ASIC2: variants seen among roughly 807,000 people sequenced by gnomAD.
ASIC2 encodes the protein acid sensing ion channel subunit 2.
In ASIC2, 25 loss-of-function variants were observed where a neutral mutation model predicts 57.3. The observed-to-expected ratio is 0.44, with a 90% confidence interval of 0.32 to 0.61. The LOEUF (loss-of-function observed/expected upper bound fraction) is 0.61. ASIC2 is among the 20% of genes least tolerant of loss of function. The pLI is 0.06. For synonymous variants in ASIC2, 319 were observed against 307.5 expected (o/e 1.04, Z -0.39); for missense variants, 641 against 738.1 (o/e 0.87, Z 1.52).
At chr17:34,144,726 AC>A (rs1321177739) in intron 1 of ASIC2, among the ~76,000 whole-genome samples, 2 of 152,218 alleles carry the variant, frequency 1.3e-5, no homozygotes, top group Non-Finnish European at 2.9e-5. Context: ...CCTGTCTGGC[AC>A]TAAATTCCAT....
chr17:33,611,546 T>C (rs530150433), intron 1 of ASIC2, among the ~76,000 whole-genome samples: 1 of 152,340 alleles, frequency 6.6e-6, no homozygotes, highest in African/African-American at 2.4e-5. Flanking sequence ...GTTTGGCTGA[T>C]CTGGGCTAGG....
At chr17:33,854,621 G>T (rs1237998803) in intron 1 of ASIC2, among the ~76,000 whole-genome samples, 8 of 152,146 alleles carry the variant, frequency 5.3e-5, no homozygotes, top group Non-Finnish European at 8.8e-5. Flanking sequence ...TTCTTTACAG[G>T]AGCAAGATCT....
At chr17:34,121,699 T>C (rs891438794) in intron 1 of ASIC2, among the ~76,000 whole-genome samples, 8 of 152,202 alleles carry the variant, frequency 5.3e-5, no homozygotes, top group Non-Finnish European at 1.0e-4. Context: ...AGATACTTCA[T>C]GATGAAGGCT....
chr17:33,680,490 C>T (rs2142057161), intron 1 of ASIC2: 1 of 152,370 alleles, frequency 6.6e-6, no homozygotes, highest in South Asian at 2.1e-4. Flanking sequence ...CAAGCTACAG[C>T]TACAAAAGAC....
intron 1 of ASIC2, among the ~76,000 whole-genome samples, chr17:33,986,918 G>A (rs116396815): frequency 2.4e-3 from 368 of 152,308 alleles, no homozygotes; most frequent in African/African-American, 8.4e-3. Context: ...GCCAAGGTAC[G>A]GAATCAGAGA....
At chr17:33,974,605 T>TACCCATCC (rs1555576616) in intron 1 of ASIC2, among the ~76,000 whole-genome samples, 1 of 145,330 alleles carries the variant, frequency 6.9e-6, no homozygotes, top group African/African-American at 2.6e-5. Flanking sequence ...GGAACCTATC[T>TACCCATCC]ATCCATCCAT....
At chr17:33,787,666 G>A (rs1422746263) in intron 1 of ASIC2, among the ~76,000 whole-genome samples, 3 of 152,212 alleles carry the variant, frequency 2.0e-5, no homozygotes, top group African/African-American at 4.8e-5. Flanking sequence ...ACAGTGGCAA[G>A]GTTCACTGTT....
intron 1 of ASIC2, among the ~76,000 whole-genome samples, chr17:33,376,554 A>G (rs1268421167): frequency 1.3e-5 from 2 of 152,194 alleles, no homozygotes; most frequent in African/African-American, 4.8e-5. Context: ...TATGCATATC[A>G]ACACATTCAA....
chr17:33,703,222 T>C (rs1460479033), intron 1 of ASIC2, among the ~76,000 whole-genome samples: 2 of 152,072 alleles, frequency 1.3e-5, no homozygotes, highest in Non-Finnish European at 2.9e-5. Flanking sequence ...AAATGCTGAG[T>C]TGAGGCTGGA....
intron 1 of ASIC2, among the ~76,000 whole-genome samples, chr17:33,464,577 CTCTT>C (rs1912790981): frequency 8.9e-6 from 1 of 112,664 alleles, no homozygotes; most frequent in African/African-American, 3.4e-5. Context: ...CTCTCTTTCT[CTCTT>C]TATCTCTTTC....
intron 1 of ASIC2, among the ~76,000 whole-genome samples, chr17:33,216,229 G>T (rs396316): frequency 0.7 from 106,738 of 152,140 alleles, 37,698 homozygotes; most frequent in Non-Finnish European, 0.75. Flanking sequence ...TGATTATTAG[G>T]TCGGCGCATC....
chr17:33,721,452 C>T (rs1319559372), intron 1 of ASIC2, among the ~76,000 whole-genome samples: 4 of 152,204 alleles, frequency 2.6e-5, no homozygotes, highest in African/African-American at 9.6e-5. Context: ...TCCATGTTCT[C>T]TTCCCCTGCC....
intron 1 of ASIC2, among the ~76,000 whole-genome samples, chr17:33,826,809 A>G (rs1406957094): frequency 2.6e-5 from 4 of 152,214 alleles, no homozygotes; most frequent in African/African-American, 4.8e-5. Context: ...AGAGTCAGAC[A>G]TAGTGTCTGT....
chr17:33,921,330 T>A (rs748405545), intron 1 of ASIC2, among the ~76,000 whole-genome samples: 1 of 152,146 alleles, frequency 6.6e-6, no homozygotes, highest in African/African-American at 2.4e-5. Flanking sequence ...CAAGCAGAGG[T>A]CCTACCATGA....
At chr17:33,025,795 A>G (rs2091856618) in intron 5 of ASIC2, 131 bp downstream of exon 5, 1 of 871,284 alleles carries the variant, frequency 1.1e-6, no homozygotes, top group Admixed American at 3.3e-5. Flanking sequence ...ACTCCACCCG[A>G]CCAGCCCCTT....
At chr17:33,106,786 G>A (rs2092236530) in intron 2 of ASIC2, among the ~76,000 whole-genome samples, 1 of 152,242 alleles carries the variant, frequency 6.6e-6, no homozygotes, top group Admixed American at 6.5e-5. Context: ...GTCTGTGAGA[G>A]TCAAAACAGT....
At chr17:33,174,028 C>A (rs1386376460) in intron 1 of ASIC2, among the ~76,000 whole-genome samples, 1 of 152,182 alleles carries the variant, frequency 6.6e-6, no homozygotes, top group Non-Finnish European at 1.5e-5. Flanking sequence ...AGTACATTTG[C>A]TTCTGGTAGT....
intron 1 of ASIC2, among the ~76,000 whole-genome samples, chr17:33,392,182 CCTTCCTTCCTTCCCT>C (rs1240870051): frequency 7.6e-5 from 1 of 13,236 alleles, no homozygotes; most frequent in Non-Finnish European, 1.9e-4. Flanking sequence ...TTCCTTCCTT[CCTTCCTTCCTTCCCT>C]CCTTCCTTCC....
intron 1 of ASIC2, among the ~76,000 whole-genome samples, chr17:33,628,497 A>G (rs1194335742): frequency 6.6e-6 from 1 of 151,458 alleles, no homozygotes; most frequent in East Asian, 1.9e-4. Flanking sequence ...AAGTCTCACT[A>G]TGTTATCCAG....
Sources: gnomAD v4.1 joint callset for allele counts (sites outside exome capture counted in the v4.1 genomes callset) on GRCh38, gnomAD v4.1.1 for gene constraint, MANE v1.5 for transcripts, NCBI Gene and HGNC (gene_info 2026-07-23, HGNC 2026-07-21) for gene names.